The following MINK1 variants were observed in gnomAD, a reference collection of about 807,000 sequenced individuals.
The protein encoded by MINK1 is misshapen-like kinase 1.
Under a neutral mutation model 178.4 loss-of-function variants are expected in MINK1, and 46 were observed. The observed-to-expected ratio is 0.26, with a 90% CI of 0.20 to 0.33. The LOEUF (loss-of-function observed/expected upper bound fraction) is 0.33, where lower values mean the gene tolerates loss of function less well. Among genes scored for constraint, MINK1 ranks in the 10% least tolerant of loss-of-function variants. MINK1 has a pLI of 1.00. For synonymous variants in MINK1, 797 were observed against 709.7 expected (o/e 1.12, Z -1.96); for missense variants, 1,366 against 1,814.9 (o/e 0.75, Z 4.49).
Position 4,893,511 on chromosome 17 carries a change from C to T in MINK1, c.2478C>T (p.Ser826=). 2 of 1,600,076 alleles carry T rather than the reference C, an allele frequency of 1.2e-6. No individual in the cohort carries two copies. Among genetic ancestry groups the T allele is most frequent in the Non-Finnish European group, 1.7e-6 (2 of 1,169,300 alleles). Residue 826 remains serine (S), a synonymous_variant, in exon 21 of 32, where the codon TCC becomes TCT. Coordinates refer to ENST00000355280, the MANE Select transcript of MINK1 (RefSeq NM_153827.5). ...PPKKAMDYSS[S]SEEVESSEDD... is the part of the protein sequence containing the mutation. ...AGAAGGCCATGGACTACTCGTCGTCCAGCGAGGAGGTGGAAAGCAGTGAGG... is the reference window on the plus strand; with the variant it reads ...AGAAGGCCATGGACTACTCGTCGTCTAGCGAGGAGGTGGAAAGCAGTGAGG...
rs541503311 is a variant in MINK1 at position 4,833,381 on chromosome 17, C to T, written c.-203C>T. The T allele has an allele frequency of 7.9e-6, 4 of 507,904 alleles. No homozygotes were observed. Among genetic ancestry groups the T allele is most frequent in the South Asian group, 7.1e-5 (3 of 41,984 alleles). 31.5% of individuals were successfully genotyped at this position (507,904 alleles called of 1,614,324 possible). ...GCGCCTGCGCAGGAGAGGTGGTAGG[C>T]TCGGGTGGCTGGCTCCGGGGAGATA... On this transcript the variant is annotated 5_prime_UTR_variant, in exon 1 of 32. Coordinates refer to ENST00000355280, the MANE Select transcript of MINK1 (RefSeq NM_153827.5). This position sits in a 1 kb window ranked among gnomAD's most constrained non-coding sequence, Gnocchi z 4.8.
At position 4,894,141 on chromosome 17, in the gene MINK1, A is replaced by C; in HGVS notation, c.2671-33A>C. The C allele has an allele frequency of 2.5e-6, 4 of 1,611,636 alleles. No homozygotes were observed. The South Asian group carries it at 4.4e-5, about 18-fold the overall frequency. On this transcript the variant is annotated intron_variant, in intron 22 of 31. Coordinates refer to ENST00000355280, the MANE Select transcript of MINK1 (RefSeq NM_153827.5). This position sits in a 1 kb window ranked among gnomAD's most constrained non-coding sequence, Gnocchi z 4.1. ...CCCTGTACCTGTGTGTGCCCTCCTC[A>C]GCCCCACGCCAACCCTGCCCTCTGT...
chr17:4,867,059 G>A (rs1597460054), intron 1 of MINK1, among the ~76,000 whole-genome samples: 1 of 85,398 alleles, frequency 1.2e-5, no homozygotes, highest in African/African-American at 4.3e-5. Flanking sequence ...GGGTGACAGA[G>A]TGAGACTCGT....
At chr17:4,846,498 C>T (rs1911053712) in intron 1 of MINK1, among the ~76,000 whole-genome samples, 2 of 152,180 alleles carry the variant, frequency 1.3e-5, no homozygotes, top group African/African-American at 4.8e-5. Flanking sequence ...GTCTACCCCA[C>T]CCTAATGTTC....
chr17:4,860,778 T>G (rs1194669217), intron 1 of MINK1: 1 of 519,924 alleles, frequency 1.9e-6, no homozygotes, highest in African/African-American at 1.9e-5. Context: ...GTGGTGCAGG[T>G]GGAAGGACCA....
At chr17:4,880,960 G>T in intron 2 of MINK1, 24 bp from the exon 3 acceptor site, 1 of 1,470,000 alleles carries the variant, frequency 6.8e-7, no homozygotes, top group South Asian at 1.4e-5. Flanking sequence ...TCTGAGCATA[G>T]ACTCAGATCC....
At position 4,890,526 on chromosome 17, in the gene MINK1, CG is replaced by C; in HGVS notation, c.1359del (p.Lys454SerfsTer58). On this transcript the variant is annotated frameshift_variant, in exon 14 of 32. Transcript: ENST00000355280. LOFTEE classifies it high-confidence loss of function. ...RQAEREQEYK[R>X]KQLEEQRQSE... is the part of the protein sequence containing the mutation. ...CTACCCTTGGGCCCAGGAATACAAG[CG>C]GAAGCAGCTGGAGGAGCAGCGGCAG... 6.3e-7 allele frequency: 1 copy of C among 1,588,720 alleles called. No homozygotes were observed. The highest frequency in any genetic ancestry group is 8.6e-7 in the Non-Finnish European group (1 of 1,168,238).
In MINK1 at chr17:4,885,321, G is replaced by A. The variant is rs1288699200; in HGVS notation, c.509-162G>A. Among the ~76,000 whole-genome samples, 3 of 152,162 alleles carry A rather than the reference G, an allele frequency of 2.0e-5. No homozygotes were observed. The highest frequency in any genetic ancestry group is 2.9e-5 in the Non-Finnish European group (2 of 68,026). ...CTCTAAGATGCTGGAAGATGGAATC[G>A]GGTTCTTCAGGATGGTGGTGGGGTA... On this transcript the variant is annotated intron_variant, in intron 6 of 31. Coordinates refer to ENST00000355280, the MANE Select transcript of MINK1 (RefSeq NM_153827.5). This position sits in a 1 kb window ranked among gnomAD's most constrained non-coding sequence, Gnocchi z 5.0.
intron 31 of MINK1, 191 bp from the exon 32 acceptor site, chr17:4,897,013 C>G: frequency 1.1e-6 from 1 of 892,504 alleles, no homozygotes; most frequent in Non-Finnish European, 1.7e-6. Context: ...CCCCAGGGGG[C>G]GAGTGGTGCA....
chr17:4,837,706 G>T (rs1909521051), intron 1 of MINK1, among the ~76,000 whole-genome samples: 1 of 152,186 alleles, frequency 6.6e-6, no homozygotes, highest in Non-Finnish European at 1.5e-5. Flanking sequence ...TGCTCCTTTT[G>T]GTTGACCCAC....
chr17:4,864,315 C>T (rs1274397824), intron 1 of MINK1, among the ~76,000 whole-genome samples: 4 of 151,648 alleles, frequency 2.6e-5, no homozygotes, highest in African/African-American at 9.7e-5. Flanking sequence ...AGGAGAATCG[C>T]TTGAACCTGG....
chr17:4,885,418 A>T lies in MINK1; in HGVS notation c.509-65A>T. On this transcript the variant is annotated intron_variant, in intron 6 of 31. Coordinates refer to ENST00000355280, the MANE Select transcript of MINK1 (RefSeq NM_153827.5). The surrounding 1 kb of genome is among the most constrained non-coding windows in gnomAD (Gnocchi z 5.0). ...TCAGGCAAGTCCTGTGTGTGCACGC[A>T]GGGATGTGAGGCAAGGGAGCAGAGG... 2 of 1,589,412 alleles carry T rather than the reference A, an allele frequency of 1.3e-6. No individual in the cohort carries two copies. The highest frequency in any genetic ancestry group is 1.7e-6 in the Non-Finnish European group (2 of 1,166,078).
At chr17:4,848,164 G>A (rs1295590339) in intron 1 of MINK1, among the ~76,000 whole-genome samples, 1 of 152,172 alleles carries the variant, frequency 6.6e-6, no homozygotes, top group Non-Finnish European at 1.5e-5. Flanking sequence ...TGAGGAGGAA[G>A]AGCAGTCAGA....
At chr17:4,852,304 G>T (rs920500498) in intron 1 of MINK1, among the ~76,000 whole-genome samples, 5 of 152,106 alleles carry the variant, frequency 3.3e-5, no homozygotes, top group African/African-American at 1.2e-4. Flanking sequence ...CCACAGACAG[G>T]TATTGAGGGC....
chr17:4,875,226 C>T (rs1360593800), intron 1 of MINK1: 2 of 517,966 alleles, frequency 3.9e-6, no homozygotes, highest in Non-Finnish European at 7.7e-6. Flanking sequence ...CCTTCCAGCT[C>T]TCAGGGTCAG....
In MINK1 at chr17:4,896,860, G is replaced by T; in HGVS notation, c.3915+47G>T. On this transcript the variant is annotated intron_variant, in intron 31 of 31. Coordinates refer to ENST00000355280, the MANE Select transcript of MINK1 (RefSeq NM_153827.5). The surrounding 1 kb of genome is among the most constrained non-coding windows in gnomAD (Gnocchi z 4.6). The stretch of plus-strand genomic sequence containing the variant: ...AAAGCCCTGCTGTCCCGGCTGCCAT[G>T]ACCCTAGGCCCCTGGGCAGAGTTCT... 2 of 1,528,128 alleles carry T rather than the reference G, an allele frequency of 1.3e-6. No individual in the cohort carries two copies. Among genetic ancestry groups the T allele is most frequent in the South Asian group, 2.6e-5 (2 of 76,230 alleles). 94.7% of individuals were successfully genotyped at this position (1,528,128 alleles called of 1,614,324 possible).
intron 1 of MINK1, among the ~76,000 whole-genome samples, chr17:4,866,960 C>T (rs1915076149): frequency 6.6e-6 from 1 of 151,298 alleles, no homozygotes; most frequent in South Asian, 2.1e-4. Flanking sequence ...GTAGTCCCAG[C>T]TGCTCCGGAG....
intron 1 of MINK1, among the ~76,000 whole-genome samples, chr17:4,869,204 G>A (rs968709773): frequency 1.3e-5 from 2 of 151,348 alleles, no homozygotes; most frequent in African/African-American, 2.4e-5. Flanking sequence ...GATTACAGAT[G>A]TGAGCCACCG....
intron 1 of MINK1, chr17:4,856,864 G>GCA (rs1301318832): frequency 6.2e-6 from 1 of 160,454 alleles, no homozygotes; most frequent in Non-Finnish European, 1.4e-5. Flanking sequence ...CAGCTGCCCA[G>GCA]CACATGCGTG....
Sources: allele counts gnomAD v4.1 joint callset (sites outside exome capture counted in the v4.1 genomes callset), GRCh38; gene constraint gnomAD v4.1.1; non-coding constraint Gnocchi (gnomAD v3.1); transcripts MANE v1.5; gene names NCBI Gene and HGNC (gene_info 2026-07-23, HGNC 2026-07-21).